ENDOU: variants seen among roughly 807,000 people sequenced by gnomAD.
ENDOU encodes uridylate-specific endoribonuclease.
In ENDOU, 49 loss-of-function variants were observed where a neutral mutation model predicts 54.2. The observed-to-expected ratio is 0.90, with a 90% CI of 0.72 to 1.15. The LOEUF (loss-of-function observed/expected upper bound fraction) is 1.15, where lower values mean the gene tolerates loss of function less well. ENDOU is among the 50% of genes most tolerant of loss of function. The pLI, the probability that ENDOU is intolerant of heterozygous loss-of-function variation, is 0.00. For missense variants in ENDOU, 458 were observed against 511.4 expected, an observed-to-expected ratio of 0.90 and a Z score of 1.01; for synonymous variants, 172 against 190.5, an observed-to-expected ratio of 0.90 and a Z score of 0.80.
intron 2 of ENDOU, 85 bp from the exon 3 acceptor site, chr12:47,718,279 CAG>C (rs1940328028): frequency 2.3e-6 from 3 of 1,307,444 alleles, no homozygotes; most frequent in Non-Finnish European, 3.2e-6. Flanking sequence ...TCCCCAGCCT[CAG>C]GGGACAAGCA....
chr12:47,718,090 C>A, intron 3 of ENDOU, 39 bp downstream of exon 3: 1 of 1,529,466 alleles, frequency 6.5e-7, no homozygotes, highest in Admixed American at 2.0e-5. Context: ...GTCCCTCCTG[C>A]TTTATCTTGA....
intron 3 of ENDOU, 111 bp from the exon 4 acceptor site, chr12:47,717,766 TC>T: frequency 8.6e-7 from 1 of 1,162,740 alleles, no homozygotes; most frequent in Non-Finnish European, 1.2e-6. Context: ...AGTAAAGATC[TC>T]CAGGGAAGGA....
rs578068670 is a variant in ENDOU at position 47,725,341 on chromosome 12, C to T, written c.55+18G>A. 4.4e-4 allele frequency: 715 copies of T among 1,613,984 alleles called. 9 individuals are homozygous for T. The South Asian group carries it at 7.1e-3, about 16-fold the overall frequency. Reference sequence around the variant, plus strand: ...CCCGCCCCACCAGCAATCCCATGCCCGCCAGATAGTGACTTACCAGCCCAG... The same window carrying T: ...CCCGCCCCACCAGCAATCCCATGCCTGCCAGATAGTGACTTACCAGCCCAG... On this transcript the variant is annotated intron_variant, in intron 1 of 9. Coordinates refer to ENST00000422538, the MANE Select transcript of ENDOU (RefSeq NM_001172439.2).
intron 1 of ENDOU, among the ~76,000 whole-genome samples, chr12:47,722,151 T>A (rs1008517504): frequency 6.6e-6 from 1 of 152,192 alleles, no homozygotes; most frequent in Non-Finnish European, 1.5e-5. Flanking sequence ...TGGTTCTGGT[T>A]ATGATTCAAT....
In ENDOU at chr12:47,713,297, AC is replaced by A. The variant is rs1487177442; in HGVS notation, c.842del (p.Ser281MetfsTer11). On this transcript the variant is annotated frameshift_variant, in exon 7 of 10. Coordinates refer to ENST00000422538, the MANE Select transcript of ENDOU (RefSeq NM_001172439.2). LOFTEE classifies it high-confidence loss of function. ...CACCTGAGAAGACATGTTCAAAGCC[AC>A]TCGAGTCCCCCTCTTCATTGCCTCT... ...YSRGNEEGDS[S>X]GFEHVFSGEV... 6.2e-7 allele frequency: 1 copy of A among 1,611,696 alleles called. No homozygotes were observed. The highest frequency in any genetic ancestry group is 2.2e-5 in the East Asian group (1 of 44,866).
chr12:47,716,763 G>A, intron 5 of ENDOU, 127 bp downstream of exon 5: 1 of 961,704 alleles, frequency 1.0e-6, no homozygotes, highest in South Asian at 1.6e-5. Flanking sequence ...CTTTGTCTCT[G>A]GAGAACTATT....
In ENDOU at chr12:47,717,669, GGTGGTGT is replaced by G; in HGVS notation, c.245-21_245-15del. 1 of 1,613,472 alleles carries G rather than the reference GGTGGTGT, an allele frequency of 6.2e-7. No homozygotes were observed. Among genetic ancestry groups the G allele is most frequent in the South Asian group, 1.1e-5 (1 of 90,960 alleles). Reference sequence around the variant, plus strand: ...CCGAGTACAAGTCTGAGAAGAGAGGGGTGGTGTGTCCCGGGCTGACCTCTAGAGGTCG... The same window carrying G: ...CCGAGTACAAGTCTGAGAAGAGAGGGGTCCCGGGCTGACCTCTAGAGGTCG... On this transcript the variant is annotated splice_polypyrimidine_tract_variant and intron_variant, in intron 3 of 9. Transcript: ENST00000422538.
rs181247468 is a variant in ENDOU at position 47,711,794 on chromosome 12, A to C, written c.973-19T>G. ...AATCCCACTGTGGAGGGAAGGGCAG[A>C]AAAGGGGGTCTGGTGAGTGCCACAG... On this transcript the variant is annotated intron_variant, in intron 8 of 9. Transcript: ENST00000422538. 1 of 1,613,786 alleles carries C rather than the reference A, an allele frequency of 6.2e-7. No individual in the cohort carries two copies. The highest frequency in any genetic ancestry group is 1.7e-5 in the Admixed American group (1 of 60,018).
chr12:47,710,355 C>A lies in ENDOU; in HGVS notation c.*447G>T, dbSNP rs1328935440. ...TAATCTTGAATTTCTATCAGCTGTT[C>A]TTCCTAAGAACAACTGAAAACACCT... On this transcript the variant is annotated 3_prime_UTR_variant, in exon 10 of 10. Transcript: ENST00000422538. 1 of 153,630 alleles carries A rather than the reference C, an allele frequency of 6.5e-6. No homozygotes were observed. Among genetic ancestry groups the A allele is most frequent in the Non-Finnish European group, 1.4e-5 (1 of 69,034 alleles). The allele number at this position is 153,630 out of a possible 1,614,324, so 9.5% of individuals were successfully genotyped here.
chr12:47,714,335 TA>T (rs1203532115), intron 6 of ENDOU, among the ~76,000 whole-genome samples: 2 of 152,252 alleles, frequency 1.3e-5, no homozygotes, highest in Admixed American at 6.5e-5. Flanking sequence ...TGAAGGATTT[TA>T]AGCAGGGGAA....
rs752078746 is a variant in ENDOU at position 47,710,739 on chromosome 12, C to T, written c.*63G>A. The T allele has an allele frequency of 2.7e-6, 3 of 1,099,250 alleles. No homozygotes were observed. Among genetic ancestry groups the T allele is most frequent in the Non-Finnish European group, 4.2e-6 (3 of 710,516 alleles). The allele number at this position is 1,099,250 out of a possible 1,614,324, so 68.1% of individuals were successfully genotyped here. On this transcript the variant is annotated 3_prime_UTR_variant, in exon 10 of 10. Coordinates refer to ENST00000422538, the MANE Select transcript of ENDOU (RefSeq NM_001172439.2). ...CAGTCCTCTCCCTCTTCTCTCTAGT[C>T]CAGAGAAGATAGCACTTCAGTCTCG...
chr12:47,723,841 C>CA (rs1940507932), intron 1 of ENDOU, among the ~76,000 whole-genome samples: 1 of 152,100 alleles, frequency 6.6e-6, no homozygotes, highest in Non-Finnish European at 1.5e-5. Flanking sequence ...CATTCACAAC[C>CA]AAAAAAATCA....
At chr12:47,717,893 C>T in intron 3 of ENDOU, 2 of 608,776 alleles carry the variant, frequency 3.3e-6, no homozygotes, top group Non-Finnish European at 5.7e-6. Flanking sequence ...AATAAAATCT[C>T]TTCCACTTCC....
At chr12:47,711,003 G>T in intron 9 of ENDOU, 84 bp from the exon 10 acceptor site, 3 of 842,446 alleles carry the variant, frequency 3.6e-6, no homozygotes, top group Non-Finnish European at 3.8e-6. Flanking sequence ...CCCAACTGAA[G>T]CAGAAGGGCT....
chr12:47,723,142 AGCTGGACGT>A (rs1482890494), intron 1 of ENDOU, among the ~76,000 whole-genome samples: 36 of 152,316 alleles, frequency 2.4e-4, no homozygotes, highest in African/African-American at 8.4e-4. Flanking sequence ...GCGAGCAGTC[AGCTGGACGT>A]GCAGGAGAGC....
intron 8 of ENDOU, 73 bp from the exon 9 acceptor site, chr12:47,711,848 A>G: frequency 6.6e-7 from 1 of 1,525,534 alleles, no homozygotes; most frequent in Non-Finnish European, 9.0e-7. Flanking sequence ...CCCAATGGCA[A>G]CAGTCAGACA....
At chr12:47,713,743 G>A (rs537348354) in intron 6 of ENDOU, among the ~76,000 whole-genome samples, 1 of 77,718 alleles carries the variant, frequency 1.3e-5, no homozygotes, top group Non-Finnish European at 3.7e-5. Flanking sequence ...AAGTTGGCGG[G>A]GGGGGGGGGT....
Position 47,713,365 on chromosome 12 carries a change from A to G in ENDOU, c.775T>C (p.Phe259Leu). Residue 259 changes from phenylalanine to leucine, a missense_variant, in exon 7 of 10, where the codon TTT (phenylalanine) becomes CTT (leucine). Coordinates refer to ENST00000422538, the MANE Select transcript of ENDOU (RefSeq NM_001172439.2). ...HQNRYGSEQEFVDDLKNMWFG... is the reference protein window; with the variant it reads ...HQNRYGSEQELVDDLKNMWFG... ...CACATGTTCTTCAAGTCATCGACAA[A>G]CTCTTGCTCTGAGCCATAGCGATCT... The G allele has an allele frequency of 1.9e-6, 3 of 1,613,976 alleles. 1 individual carries two copies. In the South Asian group the frequency reaches 3.3e-5, roughly 18 times the overall value.
At chr12:47,711,901 G>T in intron 8 of ENDOU, 126 bp from the exon 9 acceptor site, 1 of 1,043,228 alleles carries the variant, frequency 9.6e-7, no homozygotes, top group East Asian at 2.5e-5. Flanking sequence ...GAACCTTCCA[G>T]GGAGACTGGA....
Sources: gnomAD v4.1 joint callset for allele counts (sites outside exome capture counted in the v4.1 genomes callset) on GRCh38, gnomAD v4.1.1 for gene constraint, MANE v1.5 for transcripts, NCBI Gene and HGNC (gene_info 2026-07-23, HGNC 2026-07-21) for gene names.